RABEP1: variants seen among roughly 807,000 people sequenced by gnomAD.
RABEP1 encodes rab GTPase-binding effector protein 1.
Under a neutral mutation model 123.4 loss-of-function variants are expected in RABEP1, and 51 were observed. The observed-to-expected ratio is 0.41, with a 90% CI of 0.33 to 0.52. RABEP1 has a LOEUF of 0.52. RABEP1 is among the 20% of genes least tolerant of loss of function. RABEP1 has a pLI of 0.16. For synonymous variants in RABEP1, 347 were observed against 355.2 expected (o/e 0.98, Z 0.26); for missense variants, 888 against 996.3 (o/e 0.89, Z 1.46).
chr17:5,361,171 A>AT, intron 8 of RABEP1, 37 bp from the exon 9 acceptor site: 1 of 1,553,644 alleles, frequency 6.4e-7, no homozygotes, highest in Non-Finnish European at 8.8e-7. Flanking sequence ...AACGCAGAGA[A>AT]TTGTCTAACT....
intron 13 of RABEP1, among the ~76,000 whole-genome samples, chr17:5,375,756 T>TA (rs1910940322): frequency 6.6e-6 from 1 of 152,148 alleles, no homozygotes; most frequent in Non-Finnish European, 1.5e-5. Flanking sequence ...GCTATCAGCT[T>TA]AAAATCACTG....
chr17:5,316,449 C>CAAAAAAA (rs386385498), intron 2 of RABEP1, among the ~76,000 whole-genome samples: 4 of 28,584 alleles, frequency 1.4e-4, no homozygotes, highest in Non-Finnish European at 1.8e-4. Flanking sequence ...GACTCTGTCT[C>CAAAAAAA]AAAAAAAAAA....
chr17:5,384,675 A>G lies in RABEP1; in HGVS notation c.*1452A>G, dbSNP rs904458900. ...TACTACATACCTCATCTCTTGGGTT[A>G]TTATTGTAGTCTTGCATTCATGGTT... On this transcript the variant is annotated 3_prime_UTR_variant, in exon 18 of 18. Transcript: ENST00000537505. The G allele has an allele frequency of 9.4e-6, 2 of 213,404 alleles. No individual in the cohort carries two copies. The highest frequency in any genetic ancestry group is 2.3e-5 in the African/African-American group (1 of 44,238). 13.2% of individuals were successfully genotyped at this position (213,404 alleles called of 1,614,324 possible). A position where few individuals can be genotyped will look rare whatever the true frequency, so the allele number is the denominator to read the frequency against.
chr17:5,380,322 A>T (rs11868032), intron 15 of RABEP1, 42 bp from the exon 16 acceptor site: 602,002 of 1,389,224 alleles, frequency 0.43, 137,738 homozygotes, highest in East Asian at 0.84. Context: ...ACTGGGGCCC[A>T]GAGGGAGTTT....
intron 5 of RABEP1, among the ~76,000 whole-genome samples, chr17:5,345,108 A>G (rs1251731045): frequency 1.3e-5 from 2 of 152,240 alleles, no homozygotes; most frequent in Non-Finnish European, 2.9e-5. Context: ...AAAGTGGGAC[A>G]TCATTTTACC....
intron 1 of RABEP1, among the ~76,000 whole-genome samples, chr17:5,292,215 G>A (rs2075040288): frequency 6.6e-6 from 1 of 152,132 alleles, no homozygotes; most frequent in Admixed American, 6.5e-5. Flanking sequence ...CTTGCCAATA[G>A]GCAAGGCCTA....
Position 5,310,301 on chromosome 17 carries a change from C to CTTTTTTTTTTTTTTTTTTTTTT in RABEP1, c.163+1497_163+1498insTTTTTTTTTTTTTTTTTTTTTT, listed in dbSNP as rs11432831. 4.7e-4 allele frequency among the ~76,000 whole-genome samples: 59 copies of CTTTTTTTTTTTTTTTTTTTTTT among 126,398 alleles called. 11 individuals are homozygous for CTTTTTTTTTTTTTTTTTTTTTT. Among genetic ancestry groups the CTTTTTTTTTTTTTTTTTTTTTT allele is most frequent in the African/African-American group, 6.1e-4 (20 of 32,804 alleles). 82.9% of individuals were successfully genotyped at this position (126,398 alleles called of 152,430 possible). ...TTACAATTTAAATGAAAGCTTCGTC[C>CTTTTTTTTTTTTTTTTTTTTTT]TTTTTTTTTTTTTTTTTTGAGATGG... is the stretch of plus-strand genomic sequence containing the variant. On this transcript the variant is annotated intron_variant, in intron 2 of 17. Transcript: ENST00000537505.
chr17:5,339,605 C>A (rs953839444), intron 5 of RABEP1, among the ~76,000 whole-genome samples: 2 of 152,096 alleles, frequency 1.3e-5, no homozygotes, highest in Admixed American at 1.3e-4. Flanking sequence ...CGAGACCAGC[C>A]TGGCCAACAT....
At chr17:5,379,808 G>A (rs896902299) in intron 15 of RABEP1, among the ~76,000 whole-genome samples, 8 of 152,060 alleles carry the variant, frequency 5.3e-5, no homozygotes, top group African/African-American at 1.7e-4. Flanking sequence ...AAGCCCTCCC[G>A]TAGTTCCCTT....
At chr17:5,310,117 T>A (rs1355775258) in intron 2 of RABEP1, among the ~76,000 whole-genome samples, 1 of 152,166 alleles carries the variant, frequency 6.6e-6, no homozygotes, top group African/African-American at 2.4e-5. Flanking sequence ...AGTACTACAG[T>A]TTGAAAAATC....
intron 1 of RABEP1, among the ~76,000 whole-genome samples, chr17:5,289,897 C>G (rs2075016779): frequency 6.6e-6 from 1 of 152,164 alleles, no homozygotes; most frequent in Non-Finnish European, 1.5e-5. Flanking sequence ...TCCCAACACA[C>G]AGTAGCCTGG....
intron 17 of RABEP1, 127 bp from the exon 18 acceptor site, chr17:5,382,995 C>T (rs916340059): frequency 5.7e-6 from 4 of 707,422 alleles, no homozygotes; most frequent in Non-Finnish European, 9.8e-6. Flanking sequence ...TTTAATTGTT[C>T]TTGCTGTCTC....
chr17:5,366,453 GT>G (rs1333523943), intron 11 of RABEP1, among the ~76,000 whole-genome samples: 2 of 151,944 alleles, frequency 1.3e-5, no homozygotes, highest in South Asian at 2.1e-4. Context: ...TATATTTTTT[GT>G]TTTGTTTTTG....
intron 2 of RABEP1, among the ~76,000 whole-genome samples, chr17:5,320,041 A>G (rs1014605703): frequency 2.0e-5 from 3 of 152,316 alleles, no homozygotes; most frequent in African/African-American, 4.8e-5. Context: ...GAGGACACCA[A>G]AGAGATTTGT....
At chr17:5,367,201 A>G (rs909960149) in intron 11 of RABEP1, among the ~76,000 whole-genome samples, 107 of 151,918 alleles carry the variant, frequency 7.0e-4, no homozygotes, top group Non-Finnish European at 2.4e-4. Flanking sequence ...TATATTATAG[A>G]GGTTTTATTC....
chr17:5,306,627 GA>G (rs5819021), intron 1 of RABEP1, among the ~76,000 whole-genome samples: 16,991 of 144,664 alleles, frequency 0.12, 1,251 homozygotes, highest in African/African-American at 0.21. Context: ...GACTCTGTCT[GA>G]AAAAAAAAAA....
chr17:5,312,553 A>C (rs1473624893), intron 2 of RABEP1, among the ~76,000 whole-genome samples: 1 of 152,146 alleles, frequency 6.6e-6, no homozygotes, highest in Admixed American at 6.5e-5. Context: ...CTTGGAAAGG[A>C]TTACTGACTG....
At chr17:5,292,187 GTATAGACT>G (rs1378959621) in intron 1 of RABEP1, among the ~76,000 whole-genome samples, 1 of 152,194 alleles carries the variant, frequency 6.6e-6, no homozygotes, top group African/African-American at 2.4e-5. Context: ...TCAACGTGAA[GTATAGACT>G]TAAAGTGTTC....
rs1446617553 is a variant in RABEP1 at position 5,365,177 on chromosome 17, T to C, written c.1724T>C (p.Met575Thr). ...GCTAATGACCAGTTAGAGAAGACAA[T>C]GAAAGATAAGCAGGAGCTGGAAGAC... is the stretch of plus-strand genomic sequence containing the variant. Reference protein sequence around the residue: ...RQANDQLEKTMKDKQELEDFI... With the variant: ...RQANDQLEKTTKDKQELEDFI... Residue 575 changes from methionine to threonine, a missense_variant, in exon 11 of 18, where the codon ATG becomes ACG. By Grantham distance (81) the Met-to-Thr change is moderately conservative. Transcript: ENST00000537505. 2 of 1,611,338 alleles carry C rather than the reference T, an allele frequency of 1.2e-6. No individual in the cohort carries two copies. Among genetic ancestry groups the C allele is most frequent in the Non-Finnish European group, 1.7e-6 (2 of 1,178,980 alleles).
Sources: allele counts gnomAD v4.1 joint callset (sites outside exome capture counted in the v4.1 genomes callset), GRCh38; gene constraint gnomAD v4.1.1; transcripts MANE v1.5; gene names NCBI Gene and HGNC (gene_info 2026-07-23, HGNC 2026-07-21).